Variants in PYGL observed in about 807,000 individuals in gnomAD.
PYGL encodes glycogen phosphorylase, liver form.
Under a neutral mutation model 100.1 loss-of-function variants are expected in PYGL, and 90 were observed. The ratio of observed to expected loss-of-function variants is 0.90; its 90% CI spans 0.76 to 1.07. The LOEUF is 1.07. PYGL is among the 50% of genes least tolerant of loss of function. PYGL has a pLI of 0.00. For synonymous variants in PYGL, 373 were observed against 393.0 expected (o/e 0.95, Z 0.60); for missense variants, 1,016 against 1,057.6 (o/e 0.96, Z 0.55).
At chr14:50,938,406 TA>T (rs11351672) in intron 1 of PYGL, among the ~76,000 whole-genome samples, 151,986 of 152,280 alleles carry the variant, frequency 1, 75,849 homozygotes, top group Middle Eastern at 1. Flanking sequence ...AGATGGGGTT[TA>T]CTCCATGTTG....
At position 50,916,668 on chromosome 14, in the gene PYGL, C is replaced by T; in HGVS notation, c.1066G>A (p.Asp356Asn). The change falls in exon 9 of 20, where the codon GAT (aspartate) becomes AAT (asparagine). Residue 356 changes from aspartate to asparagine, a missense_variant. Transcript: ENST00000216392. The part of the protein sequence containing the change: ...AIPELMRIFV[D>N]IEKLPWSKAW... Reference sequence around the variant, plus strand: ...TTGGACCAGGGCAGTTTTTCAATATCCACAAAAATCCTCATCAGCTCAGGG... The same window carrying T: ...TTGGACCAGGGCAGTTTTTCAATATTCACAAAAATCCTCATCAGCTCAGGG... The T allele has an allele frequency of 6.2e-7, 1 of 1,614,092 alleles. No individual in the cohort carries two copies. The highest frequency in any genetic ancestry group is 8.5e-7 in the Non-Finnish European group (1 of 1,179,940).
chr14:50,928,424 G>C (rs1198976253), intron 4 of PYGL, among the ~76,000 whole-genome samples: 3 of 152,150 alleles, frequency 2.0e-5, no homozygotes, highest in Non-Finnish European at 4.4e-5. Flanking sequence ...TGGGTGCTAA[G>C]AGGCAAGAGA....
In PYGL at chr14:50,944,172, TGTC is replaced by T. The variant is rs1463812837; in HGVS notation, c.229_231del (p.Asp77del). 10 of 1,606,340 alleles carry T rather than the reference TGTC, an allele frequency of 6.2e-6. No homozygotes were observed. The highest frequency in any genetic ancestry group is 2.7e-5 in the African/African-American group (2 of 74,802). On this transcript the variant is annotated inframe_deletion, in exon 1 of 20. Transcript: ENST00000216392. The stretch of plus-strand genomic sequence containing the variant: ...CCGCCCCCGGTTACCTTGGGGCACT[TGTC>T]GTAGTAGTGCTGCTGCGTGCGGATC...
At chr14:50,938,995 T>C (rs2050680395) in intron 1 of PYGL, among the ~76,000 whole-genome samples, 4 of 152,190 alleles carry the variant, frequency 2.6e-5, no homozygotes, top group African/African-American at 9.7e-5. Context: ...CCTTGGCTGA[T>C]TACTGTAAGA....
intron 1 of PYGL, among the ~76,000 whole-genome samples, chr14:50,940,206 AG>A (rs1247746891): frequency 6.6e-6 from 1 of 152,214 alleles, no homozygotes; most frequent in Non-Finnish European, 1.5e-5. Flanking sequence ...CCATTTGCAT[AG>A]TATTACCCAG....
rs1311856923 is a variant in PYGL, at chr14:50,909,901, T to C, written c.2171A>G (p.Lys724Arg). 6.2e-7 allele frequency: 1 copy of C among 1,614,094 alleles called. No individual in the cohort carries two copies. The highest frequency in any genetic ancestry group is 8.5e-7 in the Non-Finnish European group (1 of 1,180,026). ...MRIDDVAALDKKGYEAKEYYE... is the reference protein window; with the variant it reads ...MRIDDVAALDRKGYEAKEYYE... ...AGAGAAGCTATTCTCTTACCCTTTC[T>C]TGTCCAAAGCAGCCACATCATCTAT... The change falls in exon 17 of 20, where the codon AAG (lysine) becomes AGG (arginine). Residue 724 changes from lysine (K) to arginine (R), a missense_variant. Lys to Arg is a conservative substitution (Grantham distance 26). Transcript: ENST00000216392.
At position 50,912,185 on chromosome 14, in the gene PYGL, T is replaced by C. The variant is rs1365728829; in HGVS notation, c.1739A>G (p.Asn580Ser). The C allele has an allele frequency of 6.2e-7, 1 of 1,614,186 alleles. No individual in the cohort carries two copies. The highest frequency in any genetic ancestry group is 1.1e-5 in the South Asian group (1 of 91,088). Residue 580 changes from asparagine to serine, a missense_variant, in exon 14 of 20, where the codon AAC becomes AGC. By Grantham distance (46) the Asn-to-Ser change is conservative. Transcript: ENST00000216392. ...GTACATCGTGATCACATGCAGACAGTTCAAGAGCTGTCGCTTGTACTCATG... is the reference window on the plus strand; with the variant it reads ...GTACATCGTGATCACATGCAGACAGCTCAAGAGCTGTCGCTTGTACTCATG... ...RIHEYKRQLL[N>S]CLHVITMYNR...
intron 7 of PYGL, 38 bp downstream of exon 7, chr14:50,920,503 C>T: frequency 6.5e-7 from 1 of 1,529,270 alleles, no homozygotes; most frequent in African/African-American, 1.4e-5. Flanking sequence ...AAATAAGCTG[C>T]CTCTGTTGCC....
At chr14:50,912,330 G>A in intron 13 of PYGL, 27 bp from the exon 14 acceptor site, 3 of 1,611,486 alleles carry the variant, frequency 1.9e-6, no homozygotes, top group Non-Finnish European at 2.5e-6. Context: ...TGGTGCCAGA[G>A]CTCTTTTGGC....
In PYGL at chr14:50,912,262, G is replaced by C. The variant is rs2050406525; in HGVS notation, c.1662C>G (p.Tyr554Ter). Residue 554 changes from tyrosine (Y) to a stop codon, truncating the protein, a stop_gained, in exon 14 of 20, where the codon TAC becomes TAG. Coordinates refer to ENST00000216392, the MANE Select transcript of PYGL (RefSeq NM_002863.5). LOFTEE classifies it high-confidence loss of function. ...LKFSQFLETE[Y>*]KVKINPSSMF... Reference sequence around the variant, plus strand: ...TGGAGGATGGGTTGATCTTCACTTTGTACTCCGTCTCCAGGAACTGAGAAA... The same window carrying C: ...TGGAGGATGGGTTGATCTTCACTTTCTACTCCGTCTCCAGGAACTGAGAAA... 1 of 1,614,008 alleles carries C rather than the reference G, an allele frequency of 6.2e-7. No homozygotes were observed. Among genetic ancestry groups the C allele is most frequent in the Non-Finnish European group, 8.5e-7 (1 of 1,179,878 alleles).
chr14:50,942,123 GAGGGC>G (rs1596055544), intron 1 of PYGL, among the ~76,000 whole-genome samples: 1 of 152,214 alleles, frequency 6.6e-6, no homozygotes, highest in African/African-American at 2.4e-5. Context: ...TCTACTTTAT[GAGGGC>G]AGGAACCATC....
At position 50,921,570 on chromosome 14, in the gene PYGL, C is replaced by T. The variant is rs146120940; in HGVS notation, c.661-503G>A. 342 of 156,656 alleles carry T rather than the reference C, an allele frequency of 2.2e-3. 1 individual carries two copies. The highest frequency in any genetic ancestry group is 0.02 in the Middle Eastern group (6 of 298). 9.7% of individuals were successfully genotyped at this position (156,656 alleles called of 1,614,324 possible). On this transcript the variant is annotated intron_variant, in intron 5 of 19. Transcript: ENST00000216392. ...AATTTTTTTGTATTTTTAGTAGAGA[C>T]GAGGTTTCACCGTGTTAGCCAGGAT... is the stretch of plus-strand genomic sequence containing the variant.
At chr14:50,929,344 C>A (rs938775997) in intron 4 of PYGL, among the ~76,000 whole-genome samples, 2 of 152,166 alleles carry the variant, frequency 1.3e-5, no homozygotes, top group Admixed American at 6.5e-5. Flanking sequence ...TGAGCCACTG[C>A]ACCTGGCCAG....
At position 50,920,928 on chromosome 14, in the gene PYGL, A is replaced by G. The variant is rs753533629; in HGVS notation, c.772+28T>C. 3.2e-6 allele frequency: 5 copies of G among 1,578,920 alleles called. No individual in the cohort carries two copies. In the South Asian group the frequency reaches 5.5e-5, roughly 17 times the overall value. Reference sequence around the variant, plus strand: ...ATCAAAAAGATTAAGCACACGCATAAAGAAACCAAGGCCTGTGCTGTACTC... The same window carrying G: ...ATCAAAAAGATTAAGCACACGCATAGAGAAACCAAGGCCTGTGCTGTACTC... On this transcript the variant is annotated intron_variant, in intron 6 of 19. Transcript: ENST00000216392.
chr14:50,920,668 G>T, intron 6 of PYGL, 45 bp from the exon 7 acceptor site: 1 of 1,544,684 alleles, frequency 6.5e-7, no homozygotes, highest in Non-Finnish European at 9.0e-7. Flanking sequence ...ACCAGCCATT[G>T]TTGTTGGAAA....
In PYGL at chr14:50,944,280, T is replaced by A; in HGVS notation, c.124A>T (p.Lys42Ter). ...FNRHLHFTLV[K>*]DRNVATTRDY... ...CGGGTGGTGGCCACGTTGCGGTCCT[T>A]GACCAGCGTGAAGTGCAGGTGCCGG... Residue 42 changes from lysine (K) to a stop codon, truncating the protein, a stop_gained, in exon 1 of 20, where the codon AAG (lysine) becomes TAG (stop). Transcript: ENST00000216392. LOFTEE classifies it high-confidence loss of function. The A allele has an allele frequency of 2.5e-6, 4 of 1,613,990 alleles. No individual in the cohort carries two copies. Among genetic ancestry groups the A allele is most frequent in the Non-Finnish European group, 3.4e-6 (4 of 1,179,902 alleles).
intron 4 of PYGL, among the ~76,000 whole-genome samples, chr14:50,927,016 G>A (rs1360225513): frequency 1.3e-5 from 2 of 152,104 alleles, no homozygotes; most frequent in African/African-American, 4.8e-5. Context: ...GGAAGACGAT[G>A]AGGCAGAAAC....
intron 19 of PYGL, 33 bp from the exon 20 acceptor site, chr14:50,905,589 T>A (rs2050325618): frequency 1.9e-6 from 3 of 1,607,952 alleles, no homozygotes; most frequent in Admixed American, 1.7e-5. Flanking sequence ...CAGCCCAGAG[T>A]CCCAGTGCGC....
intron 10 of PYGL, 62 bp from the exon 11 acceptor site, chr14:50,915,561 G>A (rs1596036395): frequency 7.5e-6 from 12 of 1,594,770 alleles, no homozygotes; most frequent in Non-Finnish European, 6.9e-6. Context: ...TTGGGATAAC[G>A]CTGTTCATGT....
Sources: gnomAD v4.1 joint callset for allele counts (sites outside exome capture counted in the v4.1 genomes callset) on GRCh38, gnomAD v4.1.1 for gene constraint, MANE v1.5 for transcripts, NCBI Gene and HGNC (gene_info 2026-07-23, HGNC 2026-07-21) for gene names.